Variants in SCN4A observed in about 807,000 individuals in gnomAD.
The protein encoded by SCN4A is sodium voltage-gated channel alpha subunit 4, also known as sodium channel protein type 4 subunit alpha.
In SCN4A, 83 loss-of-function variants were observed where a neutral mutation model predicts 162.0. The observed-to-expected ratio is 0.51, with a 90% CI of 0.43 to 0.61. The LOEUF is 0.61. Among genes scored for constraint, SCN4A ranks in the 20% least tolerant of loss-of-function variants. The pLI is 0.00. For missense variants in SCN4A, 2,196 were observed against 2,462.5 expected, an observed-to-expected ratio of 0.89 and a Z score of 2.29; for synonymous variants, 944 against 985.1, an observed-to-expected ratio of 0.96 and a Z score of 0.78.
Position 63,945,720 on chromosome 17 carries a change from A to G in SCN4A, c.3442-82T>C, listed in dbSNP as rs1190500027. 2.1e-6 allele frequency: 3 copies of G among 1,440,166 alleles called. No homozygotes were observed. Among genetic ancestry groups the G allele is most frequent in the South Asian group, 1.2e-5 (1 of 86,892 alleles). 89.2% of individuals were successfully genotyped at this position (1,440,166 alleles called of 1,614,324 possible). On this transcript the variant is annotated intron_variant, in intron 18 of 23. Transcript: ENST00000435607. This position sits in a 1 kb window ranked among gnomAD's most constrained non-coding sequence, Gnocchi z 4.4. ...ACATCTCTACGCCACCCAGGGGACC[A>G]GGCAGAGCTGGGCATTGTCAATTAG...
At position 63,945,481 on chromosome 17, in the gene SCN4A, A is replaced by T; in HGVS notation, c.3599T>A (p.Ile1200Asn). The T allele has an allele frequency of 6.2e-7, 1 of 1,613,936 alleles. No individual in the cohort carries two copies. Among genetic ancestry groups the T allele is most frequent in the Non-Finnish European group, 8.5e-7 (1 of 1,179,870 alleles). ...INTTTSERFD[I>N]SEVNNKSECE... ...CTCAGACTTGTTGTTGACCTCGGAGATGTCGAACCTCTCAGAGGTGGTGGT... is the reference window on the plus strand; with the variant it reads ...CTCAGACTTGTTGTTGACCTCGGAGTTGTCGAACCTCTCAGAGGTGGTGGT... The change falls in exon 19 of 24, where the codon ATC becomes AAC. Residue 1200 changes from isoleucine to asparagine, a missense_variant. Physicochemically the swap from Ile to Asn is moderately radical, Grantham distance 149. Transcript: ENST00000435607. This position sits in a 1 kb window ranked among gnomAD's most constrained non-coding sequence, Gnocchi z 4.4.
Position 63,947,103 on chromosome 17 carries a change from A to G in SCN4A, c.3383T>C (p.Leu1128Pro). ...GGGACGCAGGGCCCGCAGTGTCCGC[A>G]GGGATTTGATGGGTCCCAGCTCCGA... Reference protein sequence around the residue: ...GYSELGPIKSLRTLRALRPLR... With the variant: ...GYSELGPIKSPRTLRALRPLR... Residue 1128 changes from leucine to proline, a missense_variant, in exon 18 of 24, where the codon CTG (leucine) becomes CCG (proline). By Grantham distance (98) the Leu-to-Pro change is moderately conservative (BLOSUM62 -3). Transcript: ENST00000435607. 6.5e-7 allele frequency: 1 copy of G among 1,537,060 alleles called. No homozygotes were observed. Among genetic ancestry groups the G allele is most frequent in the Non-Finnish European group, 8.8e-7 (1 of 1,132,538 alleles).
Position 63,972,780 on chromosome 17 carries a change from G to A in SCN4A, c.62C>T (p.Thr21Ile), listed in dbSNP as rs778680199. ...TTCTATGGCTGCCAGTGACTCCCGGGTGAAGGGGCGCAAGCACTCAGGGCC... is the reference window on the plus strand; with the variant it reads ...TTCTATGGCTGCCAGTGACTCCCGGATGAAGGGGCGCAAGCACTCAGGGCC... Reference protein sequence around the residue: ...PLGPECLRPFTRESLAAIEQR... With the variant: ...PLGPECLRPFIRESLAAIEQR... Residue 21 changes from threonine to isoleucine, a missense_variant, in exon 1 of 24, where the codon ACC (threonine) becomes ATC (isoleucine). Physicochemically the swap from Thr to Ile is moderately conservative, Grantham distance 89. Coordinates refer to ENST00000435607, the MANE Select transcript of SCN4A (RefSeq NM_000334.4). The surrounding 1 kb of genome is among the most constrained non-coding windows in gnomAD (Gnocchi z 4.3). 1.9e-6 allele frequency: 3 copies of A among 1,613,772 alleles called. No individual in the cohort carries two copies. Among genetic ancestry groups the A allele is most frequent in the Admixed American group, 3.3e-5 (2 of 60,014 alleles).
chr17:63,943,742 G>T lies in SCN4A; in HGVS notation c.4017+4C>A. On this transcript the variant is annotated splice_donor_region_variant and intron_variant, in intron 22 of 23. Transcript: ENST00000435607. ...CACAGGACAGGGGGCCCAGAGGTCTGTACCTGGGGCCGGGGAATTGGCTTC... is the reference window on the plus strand; with the variant it reads ...CACAGGACAGGGGGCCCAGAGGTCTTTACCTGGGGCCGGGGAATTGGCTTC... 6.3e-7 allele frequency: 1 copy of T among 1,593,162 alleles called. No homozygotes were observed. Among genetic ancestry groups the T allele is most frequent in the Non-Finnish European group, 8.6e-7 (1 of 1,161,228 alleles).
At chr17:63,952,305 A>C (rs1285655190) in intron 13 of SCN4A, among the ~76,000 whole-genome samples, 1 of 151,604 alleles carries the variant, frequency 6.6e-6, no homozygotes, top group Non-Finnish European at 1.5e-5. Context: ...TCCCAAGTTC[A>C]AGTGCCACCA....
Position 63,972,149 on chromosome 17 carries a change from A to T in SCN4A, c.469T>A (p.Ser157Thr). The change falls in exon 3 of 24, where the codon TCC becomes ACC. Residue 157 changes from serine to threonine, a missense_variant. By Grantham distance (58) the Ser-to-Thr change is moderately conservative. Coordinates refer to ENST00000435607, the MANE Select transcript of SCN4A (RefSeq NM_000334.4). The surrounding 1 kb of genome is among the most constrained non-coding windows in gnomAD (Gnocchi z 4.3). ...AGGGAGACTTACTCCACATTCTTGG[A>T]CCAGGGAGGCGGGTCACTCATGGTC... ...FMTMSDPPPW[S>T]KNVEYTFTGI... 1 of 1,612,912 alleles carries T rather than the reference A, an allele frequency of 6.2e-7. No individual in the cohort carries two copies. Among genetic ancestry groups the T allele is most frequent in the Non-Finnish European group, 8.5e-7 (1 of 1,179,358 alleles).
rs537328495 is a variant in SCN4A at position 63,938,735 on chromosome 17, T to A, written c.*2036A>T. ...CTCTTCCTCTGCAACCTGCACACAG[T>A]CCGAGGAGAATATCCAATCAAACAG... On this transcript the variant is annotated 3_prime_UTR_variant, in exon 24 of 24. Transcript: ENST00000435607. 6.5e-6 allele frequency: 1 copy of A among 152,792 alleles called. No homozygotes were observed. Among genetic ancestry groups the A allele is most frequent in the South Asian group, 2.1e-4 (1 of 4,824 alleles). The allele number at this position is 152,792 out of a possible 1,614,324, so 9.5% of individuals were successfully genotyped here. A position where few individuals can be genotyped will look rare whatever the true frequency, so the allele number is the denominator to read the frequency against.
intron 5 of SCN4A, among the ~76,000 whole-genome samples, chr17:63,970,029 G>A (rs1472757550): frequency 6.6e-6 from 1 of 152,034 alleles, no homozygotes; most frequent in Non-Finnish European, 1.5e-5. Context: ...CCTTTACTGG[G>A]AGAGAATCTC....
rs1908692658 is a variant in SCN4A, at chr17:63,945,639, C to T, written c.3442-1G>A. On this transcript the variant is annotated splice_acceptor_variant, in intron 18 of 23. Transcript: ENST00000435607. LOFTEE classifies it high-confidence loss of function. This position sits in a 1 kb window ranked among gnomAD's most constrained non-coding sequence, Gnocchi z 4.4. ...CGCCTAGGAGGGCGTTCACCACCAC[C>T]TGGGGGCCAGGGGGTCCATTGCCAG... 6.2e-7 allele frequency: 1 copy of T among 1,613,824 alleles called. No individual in the cohort carries two copies. Among genetic ancestry groups the T allele is most frequent in the Non-Finnish European group, 8.5e-7 (1 of 1,179,836 alleles).
chr17:63,972,362 G>A lies in SCN4A; in HGVS notation c.382C>T (p.Leu128Phe). The change falls in exon 2 of 24, where the codon CTC becomes TTC. Residue 128 changes from leucine (L) to phenylalanine (F), a missense_variant. Transcript: ENST00000435607. The surrounding 1 kb of genome is among the most constrained non-coding windows in gnomAD (Gnocchi z 4.3). ...TCTTGGGCAGGATATGCATGGATGA[G>A]CACCTTGATGGCCCCGCGCCTGACT... ...SVVRRGAIKV[L>F]IHALFSMFIM... 7 of 1,613,768 alleles carry A rather than the reference G, an allele frequency of 4.3e-6. No individual in the cohort carries two copies. The highest frequency in any genetic ancestry group is 5.1e-6 in the Non-Finnish European group (6 of 1,179,704).
At position 63,951,555 on chromosome 17, in the gene SCN4A, C is replaced by A. The variant is rs117664682; in HGVS notation, c.2722G>T (p.Glu908Ter). 2 of 1,613,898 alleles carry A rather than the reference C, an allele frequency of 1.2e-6. No homozygotes were observed. Among genetic ancestry groups the A allele is most frequent in the Non-Finnish European group, 1.7e-6 (2 of 1,179,838 alleles). The part of the protein sequence containing the change: ...GLADGPPSSL[E>*]LDHLNFINNP... Reference sequence around the variant, plus strand: ...TTGATGAAGTTAAGGTGGTCCAGCTCGAGGCTGGATGGGGGGCCGTCAGCC... The same window carrying A: ...TTGATGAAGTTAAGGTGGTCCAGCTAGAGGCTGGATGGGGGGCCGTCAGCC... Residue 908 changes from glutamate to a stop codon, truncating the protein, a stop_gained, in exon 14 of 24, where the codon GAG becomes TAG. Transcript: ENST00000435607. LOFTEE classifies it high-confidence loss of function. This position sits in a 1 kb window ranked among gnomAD's most constrained non-coding sequence, Gnocchi z 4.5.
In SCN4A at chr17:63,957,396, G is replaced by A. The variant is rs763015471; in HGVS notation, c.2142C>T (p.Phe714=). The A allele has an allele frequency of 1.1e-5, 17 of 1,614,086 alleles. No individual in the cohort carries two copies. Among genetic ancestry groups the A allele is most frequent in the Admixed American group, 1.7e-5 (1 of 60,016 alleles). ...TLVLAIIVFI[F]AVVGMQLFGK... ...CAAACAGCTGCATGCCCACCACGGC[G>A]AAGATGAACACGATGATAGCCAGCA... Residue 714 remains phenylalanine (F), a synonymous_variant, in exon 13 of 24, where the codon TTC becomes TTT. Transcript: ENST00000435607.
intron 5 of SCN4A, among the ~76,000 whole-genome samples, chr17:63,968,586 A>G (rs1380873458): frequency 6.6e-6 from 1 of 152,220 alleles, no homozygotes; most frequent in Non-Finnish European, 1.5e-5. Flanking sequence ...AATGAACTAT[A>G]AAGACCTGAT....
chr17:63,953,150 G>A (rs1449104823), intron 13 of SCN4A, among the ~76,000 whole-genome samples: 1 of 152,160 alleles, frequency 6.6e-6, no homozygotes, highest in Non-Finnish European at 1.5e-5. Context: ...CACGAGGTCA[G>A]GAGATCAAGA....
chr17:63,947,006 C>T, intron 18 of SCN4A, 39 bp downstream of exon 18: 1 of 1,440,152 alleles, frequency 6.9e-7, no homozygotes, highest in Non-Finnish European at 9.6e-7. Context: ...GGCCGGTCCC[C>T]CATCCCCAGC....
rs1244357268 is a variant in SCN4A at position 63,945,091 on chromosome 17, G to A, written c.3721-31C>T. ...AGAGTGTGGTTGGGGAGTGAGCCGG[G>A]GGGCTGCTCCCTGCTTTCATCATCC... is the stretch of plus-strand genomic sequence containing the variant. On this transcript the variant is annotated intron_variant, in intron 19 of 23. Coordinates refer to ENST00000435607, the MANE Select transcript of SCN4A (RefSeq NM_000334.4). The surrounding 1 kb of genome is among the most constrained non-coding windows in gnomAD (Gnocchi z 4.4). 1 of 1,606,908 alleles carries A rather than the reference G, an allele frequency of 6.2e-7. No individual in the cohort carries two copies. The highest frequency in any genetic ancestry group is 1.1e-5 in the South Asian group (1 of 90,652).
At chr17:63,957,881 T>G (rs894144821) in intron 12 of SCN4A, among the ~76,000 whole-genome samples, 2 of 151,670 alleles carry the variant, frequency 1.3e-5, no homozygotes, top group African/African-American at 4.8e-5. Context: ...GGCGAGTGCC[T>G]GTAATCTCAG....
Position 63,963,669 on chromosome 17 carries a change from C to A in SCN4A, c.1606+3G>T, listed in dbSNP as rs377617612. ...AGTGGGCACGGGGGCACAAGGCACTCACCTTCCATGGCGTCGGAGATGCCG... is the reference window on the plus strand; with the variant it reads ...AGTGGGCACGGGGGCACAAGGCACTAACCTTCCATGGCGTCGGAGATGCCG... On this transcript the variant is annotated splice_donor_region_variant and intron_variant, in intron 10 of 23. Coordinates refer to ENST00000435607, the MANE Select transcript of SCN4A (RefSeq NM_000334.4). The A allele has an allele frequency of 3.5e-5, 55 of 1,567,988 alleles. No individual in the cohort carries two copies. The highest frequency in any genetic ancestry group is 4.6e-5 in the Non-Finnish European group (53 of 1,156,958).
chr17:63,957,556 G>A (rs765975526), intron 12 of SCN4A, 38 bp from the exon 13 acceptor site: 5 of 1,463,784 alleles, frequency 3.4e-6, no homozygotes, highest in African/African-American at 1.4e-5. Flanking sequence ...TGAGGCCCAG[G>A]GACCACCACC....
Sources: gnomAD v4.1 joint callset for allele counts (sites outside exome capture counted in the v4.1 genomes callset) on GRCh38, gnomAD v4.1.1 for gene constraint, Gnocchi (gnomAD v3.1) non-coding constraint, MANE v1.5 for transcripts, NCBI Gene and HGNC (gene_info 2026-07-23, HGNC 2026-07-21) for gene names.